The following MEX3D variants were observed in gnomAD, a reference collection of about 807,000 sequenced individuals.
MEX3D encodes mex-3 RNA binding family member D, also known as RNA-binding protein MEX3D.
Under a neutral mutation model 6.3 loss-of-function variants are expected in MEX3D, and 4 were observed. The ratio of observed to expected loss-of-function variants is 0.64; its 90% CI spans 0.31 to 1.46. MEX3D has a LOEUF of 1.46. Ranked by LOEUF, MEX3D falls within the 40% of genes most tolerant of loss-of-function variation. MEX3D has a pLI of 0.07. For missense variants in MEX3D, 1,038 were observed against 994.4 expected, an observed-to-expected ratio of 1.04 and a Z score of -0.59; for synonymous variants, 626 against 494.1, an observed-to-expected ratio of 1.27 and a Z score of -3.54.
chr19:1,555,671 G>A lies in MEX3D; in HGVS notation c.1848C>T (p.Gly616=), dbSNP rs778929314. 15 of 1,580,750 alleles carry A rather than the reference G, an allele frequency of 9.5e-6. No individual in the cohort carries two copies. The highest frequency in any genetic ancestry group is 5.4e-5 in the African/African-American group (4 of 73,910). The change falls in exon 2 of 2, where the codon GGC becomes GGT. Residue 616 remains glycine, a synonymous_variant. Transcript: ENST00000402693. ...CGCAGTCCATGCAGAAGAGGTTGTGGCCGCAGGGGACCAGCGCAGCCATCA... is the reference window on the plus strand; with the variant it reads ...CGCAGTCCATGCAGAAGAGGTTGTGACCGCAGGGGACCAGCGCAGCCATCA... ...GEVMAALVPC[G]HNLFCMDCAV...
At position 1,568,239 on chromosome 19, in the gene MEX3D, G is replaced by T. The variant is rs973927327; in HGVS notation, c.-181C>A. ...GGCTGCTCGGGGCCGGGCCGGGCCG[G>T]GCCGGGCGGCGGCAGCGACTCTGGC... is the stretch of plus-strand genomic sequence containing the variant. On this transcript the variant is annotated 5_prime_UTR_variant, in exon 1 of 2. Coordinates refer to ENST00000402693, the MANE Select transcript of MEX3D (RefSeq NM_203304.4). Among the ~76,000 whole-genome samples the T allele has an allele frequency of 4.9e-5, 7 of 142,232 alleles. No individual in the cohort carries two copies. Among genetic ancestry groups the T allele is most frequent in the Non-Finnish European group, 1.1e-4 (7 of 64,268 alleles). 93.3% of individuals were successfully genotyped at this position (142,232 alleles called of 152,430 possible).
intron 1 of MEX3D, among the ~76,000 whole-genome samples, chr19:1,563,728 C>A (rs919896377): frequency 4.6e-5 from 7 of 152,194 alleles, no homozygotes; most frequent in Non-Finnish European, 2.9e-5. Context: ...TGCCTCCCCT[C>A]ACCCCCAGCC....
chr19:1,564,260 C>T (rs893496931), intron 1 of MEX3D, among the ~76,000 whole-genome samples: 1 of 152,018 alleles, frequency 6.6e-6, no homozygotes, highest in African/African-American at 2.4e-5. Flanking sequence ...TGGCCAGGCG[C>T]AGTGGCTCAC....
chr19:1,559,471 G>T (rs1914664790), intron 1 of MEX3D, among the ~76,000 whole-genome samples: 1 of 152,150 alleles, frequency 6.6e-6, no homozygotes. Context: ...TCACTATATT[G>T]CCCAGGCTGG....
At chr19:1,563,226 C>T (rs572196389) in intron 1 of MEX3D, among the ~76,000 whole-genome samples, 3 of 152,156 alleles carry the variant, frequency 2.0e-5, no homozygotes, top group East Asian at 1.9e-4. Flanking sequence ...CTGGGGCCTG[C>T]GGGGATGGGA....
At chr19:1,558,938 T>C (rs893943944) in intron 1 of MEX3D, among the ~76,000 whole-genome samples, 1 of 151,386 alleles carries the variant, frequency 6.6e-6, no homozygotes, top group African/African-American at 2.4e-5. Flanking sequence ...ATGGCCTTCT[T>C]GGGGTCCCAG....
intron 1 of MEX3D, among the ~76,000 whole-genome samples, chr19:1,563,202 G>A (rs190962287): frequency 1.3e-5 from 2 of 152,302 alleles, no homozygotes; most frequent in East Asian, 3.9e-4. Flanking sequence ...ACTGTCCCCA[G>A]CTGTCGGGAA....
At position 1,555,417 on chromosome 19, in the gene MEX3D, A is replaced by T; in HGVS notation, c.*146T>A. 2 of 1,594,946 alleles carry T rather than the reference A, an allele frequency of 1.3e-6. No homozygotes were observed. The highest frequency in any genetic ancestry group is 2.7e-5 in the African/African-American group (2 of 73,238). On this transcript the variant is annotated 3_prime_UTR_variant, in exon 2 of 2. Coordinates refer to ENST00000402693, the MANE Select transcript of MEX3D (RefSeq NM_203304.4). ...GAGGCGGCAGTTAAAGCTCATCTGT[A>T]AACACTGGCCGCCGCCCACCCCCCT...
In MEX3D at chr19:1,556,146, TCGAAGTCGAAGC is replaced by T; in HGVS notation, c.1361_1372del (p.Gly454_Phe457del). 3 of 1,474,216 alleles carry T rather than the reference TCGAAGTCGAAGC, an allele frequency of 2.0e-6. No individual in the cohort carries two copies. The highest frequency in any genetic ancestry group is 1.5e-5 in the African/African-American group (1 of 67,528). The allele number at this position is 1,474,216 out of a possible 1,614,324, so 91.3% of individuals were successfully genotyped here. A position where few individuals can be genotyped will look rare whatever the true frequency, so the allele number is the denominator to read the frequency against. ...CACGGTCAGGTCCAGCGCCAGGAAG[TCGAAGTCGAAGC>T]CGAAGTCGCAGTCGTCGGGGGCGGC... On this transcript the variant is annotated inframe_deletion, in exon 2 of 2. Transcript: ENST00000402693. This position sits in a 1 kb window ranked among gnomAD's most constrained non-coding sequence, Gnocchi z 7.5.
intron 1 of MEX3D, among the ~76,000 whole-genome samples, chr19:1,565,902 T>C (rs538293977): frequency 3.9e-5 from 6 of 152,322 alleles, no homozygotes; most frequent in Admixed American, 1.3e-4. Flanking sequence ...CATGTGGCCA[T>C]AGCCTCGCTC....
rs779893241 is a variant in MEX3D, at chr19:1,556,500, A to T, written c.1019T>A (p.Leu340Gln). Residue 340 changes from leucine to glutamine, a missense_variant, in exon 2 of 2, where the codon CTG becomes CAG. Physicochemically the swap from Leu to Gln is moderately radical, Grantham distance 113 (BLOSUM62 -2). This residue lies in a region of MEX3D where 581 missense variants were observed against 516.2 expected (regional missense o/e 1.13). Coordinates refer to ENST00000402693, the MANE Select transcript of MEX3D (RefSeq NM_203304.4). The surrounding 1 kb of genome is among the most constrained non-coding windows in gnomAD (Gnocchi z 7.5). ...CGCGTCGGTGAAGGCGCCAGTGCGC[A>T]GCGTGATGTGCGCCTCGATCTCCTC... ...AREEIEAHIT[L>Q]RTGAFTDAGP... 10 of 1,605,420 alleles carry T rather than the reference A, an allele frequency of 6.2e-6. No individual in the cohort carries two copies. Among genetic ancestry groups the T allele is most frequent in the Non-Finnish European group, 7.6e-6 (9 of 1,177,966 alleles).
At chr19:1,561,978 G>A (rs1914729109) in intron 1 of MEX3D, among the ~76,000 whole-genome samples, 1 of 151,822 alleles carries the variant, frequency 6.6e-6, no homozygotes, top group Non-Finnish European at 1.5e-5. Flanking sequence ...TTAGCCAGGT[G>A]TGGCCGGGCA....
At chr19:1,557,765 G>A (rs139772676) in intron 1 of MEX3D, among the ~76,000 whole-genome samples, 287 of 143,934 alleles carry the variant, frequency 2.0e-3, no homozygotes, top group Middle Eastern at 0.011. Context: ...AGGCTGAGGC[G>A]GAAGAATCGC....
In MEX3D at chr19:1,555,377, T is replaced by TCC; in HGVS notation, c.*184_*185dup. ...TGAGGCGCCGCCGGGCTGCGGGGTC[T>TCC]CCGTCTCCACGCCTGAGGCGGCAGT... On this transcript the variant is annotated 3_prime_UTR_variant, in exon 2 of 2. Transcript: ENST00000402693. The TCC allele has an allele frequency of 6.3e-7, 1 of 1,599,898 alleles. No individual in the cohort carries two copies. The highest frequency in any genetic ancestry group is 8.5e-7 in the Non-Finnish European group (1 of 1,172,606).
At position 1,556,951 on chromosome 19, in the gene MEX3D, G is replaced by A. The variant is rs1914588324; in HGVS notation, c.596-28C>T. On this transcript the variant is annotated intron_variant, in intron 1 of 1. Coordinates refer to ENST00000402693, the MANE Select transcript of MEX3D (RefSeq NM_203304.4). The surrounding 1 kb of genome is among the most constrained non-coding windows in gnomAD (Gnocchi z 7.5). Reference sequence around the variant, plus strand: ...GTCCGGGAGGGAGGGGAAGGACAAGGTGACCCAGAGCCCCCTGCGCAGCTC... The same window carrying A: ...GTCCGGGAGGGAGGGGAAGGACAAGATGACCCAGAGCCCCCTGCGCAGCTC... 6.4e-7 allele frequency: 1 copy of A among 1,569,666 alleles called. No homozygotes were observed. Among genetic ancestry groups the A allele is most frequent in the Non-Finnish European group, 8.6e-7 (1 of 1,162,638 alleles).
chr19:1,555,913 C>T lies in MEX3D; in HGVS notation c.1606G>A (p.Asp536Asn). The T allele has an allele frequency of 8.3e-7, 1 of 1,207,514 alleles. No homozygotes were observed. The allele number at this position is 1,207,514 out of a possible 1,614,324, so 74.8% of individuals were successfully genotyped here. A position where few individuals can be genotyped will look rare whatever the true frequency, so the allele number is the denominator to read the frequency against. ...CGCCAGGACAGCGCGCCCACCGGGT[C>T]CGGGGCGCCACGGCGAGACAGCGGG... ...ELPLSRRGAP[D>N]PVGALSWRPP... is the part of the protein sequence containing the mutation. The change falls in exon 2 of 2, where the codon GAC becomes AAC. Residue 536 changes from aspartate to asparagine, a missense_variant. By Grantham distance (23) the Asp-to-Asn change is conservative. Around this residue, in one of 5 missense-constraint regions of MEX3D, gnomAD observed 581 missense variants for 516.2 expected, o/e 1.13. Transcript: ENST00000402693.
At position 1,555,870 on chromosome 19, in the gene MEX3D, A is replaced by T. The variant is rs1032526580; in HGVS notation, c.1649T>A (p.Val550Glu). ...GAAGGCGGCGCCGCCTGGGAAGGAT[A>T]CGGGGCCCTGCGGGGGTCGCCAGGA... ...ALSWRPPQGP[V>E]SFPGGAAFST... The change falls in exon 2 of 2, where the codon GTA (valine) becomes GAA (glutamate). Residue 550 changes from valine (V) to glutamate (E), a missense_variant. Physicochemically the swap from Val to Glu is moderately radical, Grantham distance 121. Coordinates refer to ENST00000402693, the MANE Select transcript of MEX3D (RefSeq NM_203304.4). 1.7e-4 allele frequency: 219 copies of T among 1,316,882 alleles called. No individual in the cohort carries two copies. Among genetic ancestry groups the T allele is most frequent in the Non-Finnish European group, 2.1e-4 (215 of 1,037,424 alleles). The allele number at this position is 1,316,882 out of a possible 1,614,324, so 81.6% of individuals were successfully genotyped here. A position where few individuals can be genotyped will look rare whatever the true frequency, so the allele number is the denominator to read the frequency against.
chr19:1,555,422 C>T lies in MEX3D; in HGVS notation c.*141G>A, dbSNP rs771283180. 22 of 1,582,542 alleles carry T rather than the reference C, an allele frequency of 1.4e-5. No individual in the cohort carries two copies. Among genetic ancestry groups the T allele is most frequent in the Non-Finnish European group, 1.9e-5 (22 of 1,166,722 alleles). On this transcript the variant is annotated 3_prime_UTR_variant, in exon 2 of 2. Transcript: ENST00000402693. ...GGCAGTTAAAGCTCATCTGTAAACACTGGCCGCCGCCCACCCCCCTGCCCC... is the reference window on the plus strand; with the variant it reads ...GGCAGTTAAAGCTCATCTGTAAACATTGGCCGCCGCCCACCCCCCTGCCCC...
rs774419041 is a variant in MEX3D at position 1,567,721 on chromosome 19, G to A, written c.338C>T (p.Pro113Leu). 1.2e-5 allele frequency: 12 copies of A among 1,008,692 alleles called. No individual in the cohort carries two copies. In the African/African-American group the frequency reaches 1.7e-4, roughly 15 times the overall value. The allele number at this position is 1,008,692 out of a possible 1,614,324, so 62.5% of individuals were successfully genotyped here. ...PPDGPEAGAP[P>L]TLAPAVAPGS... Reference sequence around the variant, plus strand: ...GGGGGCCACGGCGGGGGCCAGGGTCGGGGGCGCGCCGGCCTCAGGTCCGTC... The same window carrying A: ...GGGGGCCACGGCGGGGGCCAGGGTCAGGGGCGCGCCGGCCTCAGGTCCGTC... Residue 113 changes from proline (P) to leucine (L), a missense_variant, in exon 1 of 2, where the codon CCG becomes CTG. Physicochemically the swap from Pro to Leu is moderately conservative, Grantham distance 98 (BLOSUM62 -3). This residue lies in a region of MEX3D where 265 missense variants were observed against 206.3 expected (regional missense o/e 1.28). Coordinates refer to ENST00000402693, the MANE Select transcript of MEX3D (RefSeq NM_203304.4). The surrounding 1 kb of genome is among the most constrained non-coding windows in gnomAD (Gnocchi z 6.5).
Sources: gnomAD v4.1 joint callset for allele counts (sites outside exome capture counted in the v4.1 genomes callset) on GRCh38, gnomAD v4.1.1 for gene constraint, gnomAD v4.1.1 regional missense constraint, Gnocchi (gnomAD v3.1) non-coding constraint, MANE v1.5 for transcripts, NCBI Gene and HGNC (gene_info 2026-07-23, HGNC 2026-07-21) for gene names.